LRP1B: variants seen among roughly 807,000 people sequenced by gnomAD.
LRP1B encodes low-density lipoprotein receptor-related protein 1B.
Under a neutral mutation model 556.6 loss-of-function variants are expected in LRP1B, and 217 were observed. The ratio of observed to expected loss-of-function variants is 0.39; its 90% CI spans 0.35 to 0.44. The LOEUF (loss-of-function observed/expected upper bound fraction) is 0.44. Among genes scored for constraint, LRP1B ranks in the 20% least tolerant of loss-of-function variants. LRP1B has a pLI of 1.00. For missense variants in LRP1B, 5,053 were observed against 5,620.8 expected (o/e 0.90, Z 3.23); for synonymous variants, 2,047 against 1,865.8 (o/e 1.10, Z -2.50).
chr2:140,656,497 A>G (rs1684883467), intron 41 of LRP1B, among the ~76,000 whole-genome samples: 2 of 152,200 alleles, frequency 1.3e-5, no homozygotes. Context: ...AATTTTCTTT[A>G]AAGAAAAATA....
Position 141,769,977 on chromosome 2 carries a change from A to G in LRP1B, c.205+40302T>C, listed in dbSNP as rs16847100. On this transcript the variant is annotated intron_variant, in intron 2 of 90. Coordinates refer to ENST00000389484, the MANE Select transcript of LRP1B (RefSeq NM_018557.3). ...AAATGCCTTAGAGTACCTGTATCCA[A>G]TTCCTCTCTGTTGAAGACCACTTAC... Among the ~76,000 whole-genome samples, 1,167 of 152,300 alleles carry G rather than the reference A, an allele frequency of 7.7e-3. 14 individuals carry two copies. Among genetic ancestry groups the G allele is most frequent in the African/African-American group, 0.027 (1,104 of 41,568 alleles).
intron 7 of LRP1B, among the ~76,000 whole-genome samples, chr2:141,135,095 G>A (rs908329899): frequency 4.6e-5 from 7 of 151,838 alleles, no homozygotes; most frequent in Admixed American, 1.3e-4. Flanking sequence ...GTGTGCCTGT[G>A]TGAGTGTGGG....
intron 32 of LRP1B, among the ~76,000 whole-genome samples, chr2:140,791,171 T>C (rs939890785): frequency 1.3e-5 from 2 of 151,990 alleles, no homozygotes; most frequent in African/African-American, 4.8e-5. Flanking sequence ...GGAGAATCGT[T>C]TGAACCCAGG....
chr2:141,840,639 T>A (rs1480154209), intron 1 of LRP1B, among the ~76,000 whole-genome samples: 1 of 152,122 alleles, frequency 6.6e-6, no homozygotes, highest in Non-Finnish European at 1.5e-5. Flanking sequence ...TGACAAGCTA[T>A]GCAACTAGAG....
intron 7 of LRP1B, among the ~76,000 whole-genome samples, chr2:141,183,117 C>T (rs1344317256): frequency 6.6e-5 from 10 of 151,886 alleles, no homozygotes; most frequent in Admixed American, 5.9e-4. Context: ...TTTAATTTGT[C>T]CAAACATAGT....
chr2:141,311,258 T>C (rs1360856930), intron 3 of LRP1B, among the ~76,000 whole-genome samples: 1 of 152,196 alleles, frequency 6.6e-6, no homozygotes, highest in East Asian at 1.9e-4. Flanking sequence ...TGCTTTTCTT[T>C]GTTGTAATCT....
intron 1 of LRP1B, among the ~76,000 whole-genome samples, chr2:141,998,279 G>T (rs758378520): frequency 6.6e-6 from 1 of 151,998 alleles, no homozygotes; most frequent in Non-Finnish European, 1.5e-5. Context: ...AACACACCCA[G>T]ATTCTCTCTC....
chr2:140,308,115 C>T (rs1684142515), intron 83 of LRP1B, among the ~76,000 whole-genome samples: 1 of 151,652 alleles, frequency 6.6e-6, no homozygotes, highest in African/African-American at 2.4e-5. Context: ...TTCTCAAAAG[C>T]AATATACTTT....
chr2:140,916,619 C>T (rs1694586626), intron 21 of LRP1B, among the ~76,000 whole-genome samples: 1 of 152,054 alleles, frequency 6.6e-6, no homozygotes, highest in Non-Finnish European at 1.5e-5. Context: ...TTGCTTATTC[C>T]AATGGAATCT....
intron 2 of LRP1B, among the ~76,000 whole-genome samples, chr2:141,808,947 T>A (rs1336677790): frequency 6.6e-6 from 1 of 152,136 alleles, no homozygotes; most frequent in African/African-American, 2.4e-5. Context: ...CATTACCAAA[T>A]AATATTCCTC....
At chr2:140,609,296 A>G (rs995196216) in intron 41 of LRP1B, among the ~76,000 whole-genome samples, 1 of 152,156 alleles carries the variant, frequency 6.6e-6, no homozygotes, top group African/African-American at 2.4e-5. Flanking sequence ...CTTCAGCTGA[A>G]AGCTATGAAC....
chr2:140,601,939 A>G (rs933197512), intron 41 of LRP1B, among the ~76,000 whole-genome samples: 1 of 152,100 alleles, frequency 6.6e-6, no homozygotes, highest in Admixed American at 6.6e-5. Context: ...TTGTATCTTA[A>G]TCAATTTTCA....
In LRP1B at chr2:141,583,037, C is replaced by A. The variant is rs142049520; in HGVS notation, c.206-102504G>T. On this transcript the variant is annotated intron_variant, in intron 2 of 90. Coordinates refer to ENST00000389484, the MANE Select transcript of LRP1B (RefSeq NM_018557.3). Reference sequence around the variant, plus strand: ...ATTTTTAGTAGAGAGGGGGTTTCACCGTGTTAGCCAGGATGGTCTGGATTG... The same window carrying A: ...ATTTTTAGTAGAGAGGGGGTTTCACAGTGTTAGCCAGGATGGTCTGGATTG... Among the ~76,000 whole-genome samples, 682 of 151,860 alleles carry A rather than the reference C, an allele frequency of 4.5e-3. 3 individuals carry two copies. The highest frequency in any genetic ancestry group is 0.016 in the African/African-American group (643 of 41,428).
intron 86 of LRP1B, among the ~76,000 whole-genome samples, chr2:140,254,840 C>T (rs923481974): frequency 1.3e-5 from 2 of 152,096 alleles, no homozygotes; most frequent in Admixed American, 6.5e-5. Context: ...GAGTGAGCCA[C>T]CCCACCGTGC....
intron 1 of LRP1B, among the ~76,000 whole-genome samples, chr2:141,966,949 A>G (rs1701582727): frequency 6.6e-6 from 1 of 151,822 alleles, no homozygotes; most frequent in African/African-American, 2.4e-5. Flanking sequence ...ATTCTTGCTA[A>G]ATCAGTTTCC....
chr2:140,959,299 T>C (rs2105312627), intron 18 of LRP1B, among the ~76,000 whole-genome samples: 1 of 151,716 alleles, frequency 6.6e-6, no homozygotes, highest in East Asian at 1.9e-4. Context: ...GGGAAAATGT[T>C]GAACATACAT....
intron 2 of LRP1B, among the ~76,000 whole-genome samples, chr2:141,634,571 T>C (rs1689034379): frequency 6.6e-6 from 1 of 152,048 alleles, no homozygotes; most frequent in South Asian, 2.1e-4. Flanking sequence ...CATATTTCAA[T>C]GCTTCTCTTA....
intron 1 of LRP1B, among the ~76,000 whole-genome samples, chr2:142,046,365 A>T (rs1191236343): frequency 6.6e-6 from 1 of 151,982 alleles, no homozygotes; most frequent in Non-Finnish European, 1.5e-5. Flanking sequence ...ACTGTAAAGA[A>T]AACATTATAG....
chr2:140,472,729 G>A lies in LRP1B; in HGVS notation c.9625+2409C>T, dbSNP rs13387416. Among the ~76,000 whole-genome samples the A allele has an allele frequency of 3.1e-3, 468 of 152,152 alleles. 2 individuals carry two copies. The highest frequency in any genetic ancestry group is 0.011 in the African/African-American group (455 of 41,544). ...TTCATTTATAAAATTACTCTGTGGT[G>A]TAAACTGGAATATCTTTGGGGAAAG... On this transcript the variant is annotated intron_variant, in intron 60 of 90. Transcript: ENST00000389484.
Sources: allele counts gnomAD v4.1 joint callset (sites outside exome capture counted in the v4.1 genomes callset), GRCh38; gene constraint gnomAD v4.1.1; transcripts MANE v1.5; gene names NCBI Gene and HGNC (gene_info 2026-07-23, HGNC 2026-07-21).